The following LDLRAD4 variants were observed in gnomAD, a reference collection of about 807,000 sequenced individuals.
The protein encoded by LDLRAD4 is low density lipoprotein receptor class A domain containing 4.
Under a neutral mutation model 17.0 loss-of-function variants are expected in LDLRAD4, and 5 were observed. That is an observed-to-expected ratio of 0.29 (90% CI 0.15 to 0.62). The LOEUF (loss-of-function observed/expected upper bound fraction) is 0.62. Ranked by LOEUF, LDLRAD4 falls within the 20% of genes least tolerant of loss-of-function variation. The pLI is 0.84. For synonymous variants in LDLRAD4, 168 were observed against 171.8 expected (o/e 0.98, Z 0.17); for missense variants, 340 against 424.7 (o/e 0.80, Z 1.75).
At chr18:13,528,053 A>T (rs540790002) in intron 3 of LDLRAD4, among the ~76,000 whole-genome samples, 1 of 152,084 alleles carries the variant, frequency 6.6e-6, no homozygotes, top group African/African-American at 2.4e-5. Flanking sequence ...CTTTCTACCC[A>T]AAGTTGTGGC....
intron 1 of LDLRAD4, among the ~76,000 whole-genome samples, chr18:13,316,961 A>G (rs2080966700): frequency 6.6e-6 from 1 of 152,236 alleles, no homozygotes; most frequent in South Asian, 2.1e-4. Context: ...CAACTGAACT[A>G]AATATGCCAG....
chr18:13,606,018 A>C (rs918729255), intron 3 of LDLRAD4, among the ~76,000 whole-genome samples: 4 of 152,132 alleles, frequency 2.6e-5, no homozygotes, highest in Admixed American at 1.3e-4. Context: ...TGGTCTCTGG[A>C]CCACACTCTG....
chr18:13,527,006 G>C (rs2094042724), intron 3 of LDLRAD4, among the ~76,000 whole-genome samples: 1 of 152,222 alleles, frequency 6.6e-6, no homozygotes, highest in Admixed American at 6.5e-5. Context: ...GCATGGGACT[G>C]TTATGTTTGT....
chr18:13,436,112 A>G (rs1240505451), intron 2 of LDLRAD4, among the ~76,000 whole-genome samples: 2 of 152,192 alleles, frequency 1.3e-5, no homozygotes, highest in African/African-American at 2.4e-5. Flanking sequence ...GGCCCTCTAG[A>G]TTATGAAGGA....
At chr18:13,569,445 T>C (rs2094654494) in intron 3 of LDLRAD4, among the ~76,000 whole-genome samples, 1 of 152,256 alleles carries the variant, frequency 6.6e-6, no homozygotes, top group Non-Finnish European at 1.5e-5. Context: ...GGATGTTGCT[T>C]ATCTTCACTT....
chr18:13,337,700 C>A (rs1049403564), intron 1 of LDLRAD4, among the ~76,000 whole-genome samples: 1 of 143,342 alleles, frequency 7.0e-6, no homozygotes, highest in Non-Finnish European at 1.5e-5. Flanking sequence ...AGTTCAAGAC[C>A]AGCCTGGTCA....
chr18:13,265,952 G>A (rs753783723), intron 1 of LDLRAD4, among the ~76,000 whole-genome samples: 14 of 152,066 alleles, frequency 9.2e-5, no homozygotes, highest in East Asian at 1.9e-4. Context: ...TCACCCCCAC[G>A]TGGATCTGCT....
intron 3 of LDLRAD4, among the ~76,000 whole-genome samples, chr18:13,450,709 G>A (rs2091779163): frequency 6.6e-6 from 1 of 152,196 alleles, no homozygotes; most frequent in South Asian, 2.1e-4. Context: ...GTTGTGGCAC[G>A]TATCTGCAGT....
rs1057465796 is a variant in LDLRAD4 at position 13,299,942 on chromosome 18, C to T, written c.-383+21754C>T. Among the ~76,000 whole-genome samples the T allele has an allele frequency of 3.9e-5, 6 of 152,322 alleles. No individual in the cohort carries two copies. In the East Asian group the frequency reaches 7.7e-4, roughly 20 times the overall value. ...GTGGTGGTGGGTGTTTTAGGGTCCT[C>T]ATGTCTGGAGGATATTTTTCCCCAC... On this transcript the variant is annotated intron_variant, in intron 1 of 5. Transcript: ENST00000359446.
At chr18:13,334,027 C>T (rs190314687) in intron 1 of LDLRAD4, among the ~76,000 whole-genome samples, 22 of 152,170 alleles carry the variant, frequency 1.4e-4, no homozygotes, top group African/African-American at 5.3e-4. Context: ...GTATTCCTAT[C>T]CATGGACATG....
intron 1 of LDLRAD4, among the ~76,000 whole-genome samples, chr18:13,285,649 G>C (rs751959948): frequency 1.3e-5 from 2 of 152,150 alleles, no homozygotes; most frequent in African/African-American, 4.8e-5. Flanking sequence ...TTAGCCTGAC[G>C]CTTTAACAGT....
chr18:13,499,355 G>GTA (rs2093567532), intron 3 of LDLRAD4, among the ~76,000 whole-genome samples: 2 of 122,000 alleles, frequency 1.6e-5, no homozygotes, highest in East Asian at 2.6e-4. Flanking sequence ...TGCCACACAC[G>GTA]TCCTGCCGTG....
chr18:13,325,002 CAT>C (rs2081444684), intron 1 of LDLRAD4, among the ~76,000 whole-genome samples: 1 of 152,094 alleles, frequency 6.6e-6, no homozygotes, highest in South Asian at 2.1e-4. Flanking sequence ...ATAAAGTAAA[CAT>C]AGAGTAGAGG....
intron 3 of LDLRAD4, among the ~76,000 whole-genome samples, chr18:13,523,128 C>T (rs931373116): frequency 1.3e-5 from 2 of 152,218 alleles, no homozygotes; most frequent in South Asian, 4.1e-4. Context: ...ATCCCCAAGA[C>T]CCCCACCCCA....
At chr18:13,585,367 G>A (rs1293685) in intron 3 of LDLRAD4, 38,289 of 151,734 alleles carry the variant, frequency 0.25, 5,016 homozygotes, top group Admixed American at 0.32. Flanking sequence ...TTTTTAAAGG[G>A]GTCTTTGCTA....
At chr18:13,262,755 C>T (rs377050981) in intron 1 of LDLRAD4, among the ~76,000 whole-genome samples, 1 of 89,986 alleles carries the variant, frequency 1.1e-5, no homozygotes, top group African/African-American at 6.0e-5. Context: ...GAGTCCCGTG[C>T]GGCCCTGTGC....
chr18:13,333,364 T>G (rs940969769), intron 1 of LDLRAD4, among the ~76,000 whole-genome samples: 7 of 152,252 alleles, frequency 4.6e-5, no homozygotes, highest in African/African-American at 1.4e-4. Flanking sequence ...GTATGTGGCT[T>G]GTGTTCTCAT....
At chr18:13,294,347 G>A (rs571876060) in intron 1 of LDLRAD4, among the ~76,000 whole-genome samples, 4 of 152,198 alleles carry the variant, frequency 2.6e-5, no homozygotes, top group Admixed American at 6.5e-5. Flanking sequence ...GTGCGGAAGC[G>A]TTGACCAAGA....
intron 2 of LDLRAD4, 43 bp downstream of exon 3, chr18:13,387,805 G>GGAGT: frequency 6.4e-7 from 1 of 1,567,506 alleles, no homozygotes; most frequent in Non-Finnish European, 8.8e-7. Flanking sequence ...CTCCACTCCT[G>GGAGT]GGAGGCAATA....
Sources: gnomAD v4.1 joint callset for allele counts (sites outside exome capture counted in the v4.1 genomes callset) on GRCh38, gnomAD v4.1.1 for gene constraint, MANE v1.5 for transcripts, NCBI Gene and HGNC (gene_info 2026-07-23, HGNC 2026-07-21) for gene names.